OPA1: variants seen among roughly 807,000 people sequenced by gnomAD.
The protein encoded by OPA1 is dynamin-like GTPase OPA1, mitochondrial.
OPA1 carries 59 observed loss-of-function variants against 152.9 expected under a neutral mutation model. The observed-to-expected ratio is 0.39, with a 90% CI of 0.31 to 0.48. The LOEUF is 0.48. Ranked by LOEUF, OPA1 falls within the 20% of genes least tolerant of loss-of-function variation. The pLI, the probability that OPA1 is intolerant of heterozygous loss-of-function variation, is 0.96. For missense variants in OPA1, 1,008 were observed against 1,216.8 expected, an observed-to-expected ratio of 0.83 and a Z score of 2.55; for synonymous variants, 400 against 389.9, an observed-to-expected ratio of 1.03 and a Z score of -0.31.
At chr3:193,628,256 A>T (rs749522767) in intron 7 of OPA1, among the ~76,000 whole-genome samples, 8 of 152,062 alleles carry the variant, frequency 5.3e-5, no homozygotes, top group South Asian at 2.1e-4. Flanking sequence ...ATGTCTTATT[A>T]GTAGCAACTA....
Position 193,622,021 on chromosome 3 carries a change from C to G in OPA1, c.678+3085C>G, listed in dbSNP as rs371671373. Among the ~76,000 whole-genome samples the G allele has an allele frequency of 9.2e-5, 14 of 152,072 alleles. No homozygotes were observed. In the South Asian group the frequency reaches 2.9e-3, roughly 32 times the overall value. ...ACATTTTATTTTCTGTGCTTTTGTTCTATCATGTTTCTGATTGGTCATAAG... is the reference window on the plus strand; with the variant it reads ...ACATTTTATTTTCTGTGCTTTTGTTGTATCATGTTTCTGATTGGTCATAAG... On this transcript the variant is annotated intron_variant, in intron 6 of 30. Coordinates refer to ENST00000361510, the MANE Select transcript of OPA1 (RefSeq NM_130837.3).
chr3:193,665,339 T>C (rs904808914), intron 27 of OPA1, among the ~76,000 whole-genome samples: 2 of 152,092 alleles, frequency 1.3e-5, no homozygotes, highest in Non-Finnish European at 2.9e-5. Context: ...TGTATTTCTT[T>C]TCAACTTTTT....
At chr3:193,645,143 A>G (rs1201680902) in intron 16 of OPA1, among the ~76,000 whole-genome samples, 1 of 152,152 alleles carries the variant, frequency 6.6e-6, no homozygotes, top group African/African-American at 2.4e-5. Flanking sequence ...ATATTTGAAG[A>G]AAGTATGGAA....
intron 1 of OPA1, among the ~76,000 whole-genome samples, chr3:193,614,257 C>G (rs1262959204): frequency 6.6e-6 from 1 of 152,174 alleles, no homozygotes; most frequent in African/African-American, 2.4e-5. Context: ...TTTTTGAAAG[C>G]AAAAGTTTGC....
intron 27 of OPA1, 83 bp from the exon 28 acceptor site, chr3:193,666,213 T>C (rs1487603652): frequency 8.9e-7 from 1 of 1,128,970 alleles, no homozygotes; most frequent in African/African-American, 1.5e-5. Flanking sequence ...ACATATCTAC[T>C]GGTTCTAGTA....
At chr3:193,603,585 A>G (rs1726780988) in intron 1 of OPA1, 1 of 152,248 alleles carries the variant, frequency 6.6e-6, no homozygotes, top group Non-Finnish European at 1.5e-5. Flanking sequence ...TTTCCATATC[A>G]TGCCAAAATC....
chr3:193,697,530 ATAAT>A lies in OPA1; in HGVS notation c.*2932_*2935del, dbSNP rs1722353983. 1.3e-5 allele frequency: 2 copies of A among 152,340 alleles called. No homozygotes were observed. Among genetic ancestry groups the A allele is most frequent in the African/African-American group, 4.8e-5 (2 of 41,570 alleles). 9.4% of individuals were successfully genotyped at this position (152,340 alleles called of 1,614,324 possible). A position where few individuals can be genotyped will look rare whatever the true frequency, so the allele number is the denominator to read the frequency against. On this transcript the variant is annotated 3_prime_UTR_variant, in exon 31 of 31. Coordinates refer to ENST00000361510, the MANE Select transcript of OPA1 (RefSeq NM_130837.3). ...AATTAAAAAATATTTAAATCACATT[ATAAT>A]TCTATTATTGGAGAGCATCTTTTAA... is the stretch of plus-strand genomic sequence containing the variant.
At chr3:193,656,867 A>G (rs1179903690) in intron 22 of OPA1, among the ~76,000 whole-genome samples, 1 of 152,170 alleles carries the variant, frequency 6.6e-6, no homozygotes, top group Admixed American at 6.5e-5. Flanking sequence ...GTCTAGGAAA[A>G]CATACCAGGA....
chr3:193,607,258 C>G (rs1029094162), intron 1 of OPA1, among the ~76,000 whole-genome samples: 1 of 152,190 alleles, frequency 6.6e-6, no homozygotes, highest in Non-Finnish European at 1.5e-5. Flanking sequence ...TGTGCAGAAG[C>G]TCTTTACTTT....
intron 21 of OPA1, among the ~76,000 whole-genome samples, chr3:193,654,059 A>G (rs1027265721): frequency 6.6e-6 from 1 of 152,164 alleles, no homozygotes; most frequent in East Asian, 1.9e-4. Flanking sequence ...GAATGAAAGC[A>G]TGTGTTCATA....
intron 6 of OPA1, among the ~76,000 whole-genome samples, chr3:193,623,775 C>T (rs1577186332): frequency 6.6e-6 from 1 of 152,204 alleles, no homozygotes; most frequent in South Asian, 2.1e-4. Flanking sequence ...GTATCTTGCA[C>T]AGTAGGTGCA....
intron 1 of OPA1, among the ~76,000 whole-genome samples, chr3:193,608,795 C>G (rs1391780923): frequency 6.6e-6 from 1 of 151,918 alleles, no homozygotes; most frequent in Non-Finnish European, 1.5e-5. Flanking sequence ...CTAATGTTGA[C>G]AGTGGGGTGT....
chr3:193,617,259 G>T lies in OPA1; in HGVS notation c.530G>T (p.Ser177Ile), dbSNP rs150279202. Reference sequence around the variant, plus strand: ...TTTGACAAGATTGTTGAAAGCCTTAGCTTATTGAAGGACTTTTTTACCTCA... The same window carrying T: ...TTTGACAAGATTGTTGAAAGCCTTATCTTATTGAAGGACTTTTTTACCTCA... ...PDFDKIVESL[S>I]LLKDFFTSGH... Residue 177 changes from serine (S) to isoleucine (I), a missense_variant, in exon 4 of 31, where the codon AGC (serine) becomes ATC (isoleucine). Physicochemically the swap from Ser to Ile is moderately radical, Grantham distance 142. This residue lies in a region of OPA1 where 408 missense variants were observed against 395.1 expected (regional missense o/e 1.03). Transcript: ENST00000361510. 172 of 1,611,710 alleles carry T rather than the reference G, an allele frequency of 1.1e-4. No homozygotes were observed. The highest frequency in any genetic ancestry group is 1.6e-4 in the Middle Eastern group (1 of 6,078).
chr3:193,617,676 C>T (rs893069919), intron 4 of OPA1, 108 bp from the exon 5 acceptor site: 2 of 814,924 alleles, frequency 2.5e-6, no homozygotes, highest in Non-Finnish European at 4.2e-6. Context: ...GCATATTTGC[C>T]CAATTATTGC....
intron 2 of OPA1, 100 bp downstream of exon 2, chr3:193,615,141 A>T: frequency 1.0e-6 from 1 of 952,872 alleles, no homozygotes; most frequent in South Asian, 1.3e-5. Flanking sequence ...TGGATGTTTA[A>T]ACATTTATTT....
chr3:193,660,078 G>C (rs1714878575), intron 25 of OPA1, among the ~76,000 whole-genome samples: 1 of 152,176 alleles, frequency 6.6e-6, no homozygotes, highest in South Asian at 2.1e-4. Flanking sequence ...GAGCCTGGGA[G>C]ATCGAAGCTG....
intron 29 of OPA1, among the ~76,000 whole-genome samples, chr3:193,675,908 C>T (rs1016664070): frequency 2.0e-5 from 3 of 152,162 alleles, no homozygotes; most frequent in Admixed American, 6.5e-5. Flanking sequence ...GGGGAACTAA[C>T]TCTTTTCATC....
At chr3:193,647,301 T>G in intron 19 of OPA1, 121 bp downstream of exon 19, 1 of 701,310 alleles carries the variant, frequency 1.4e-6, no homozygotes, top group Non-Finnish European at 2.6e-6. Flanking sequence ...CATTTACAAT[T>G]AGACAGTATC....
At chr3:193,663,858 A>G (rs2109242433) in intron 26 of OPA1, among the ~76,000 whole-genome samples, 1 of 152,268 alleles carries the variant, frequency 6.6e-6, no homozygotes, top group South Asian at 2.1e-4. Context: ...AATGAGATGA[A>G]AGCTAATGAT....
Sources: allele counts gnomAD v4.1 joint callset (sites outside exome capture counted in the v4.1 genomes callset), GRCh38; gene constraint gnomAD v4.1.1; regional missense constraint gnomAD v4.1.1; transcripts MANE v1.5; gene names NCBI Gene and HGNC (gene_info 2026-07-23, HGNC 2026-07-21).